The following IL1RAPL1 variants were observed in gnomAD, a reference collection of about 807,000 sequenced individuals.
IL1RAPL1 encodes the protein interleukin 1 receptor accessory protein like 1.
A neutral mutation model predicts 48.4 loss-of-function variants in IL1RAPL1; 3 were observed. The ratio of observed to expected loss-of-function variants is 0.06; its 90% CI spans 0.03 to 0.16. IL1RAPL1 has a LOEUF of 0.16. IL1RAPL1 is among the 10% of genes least tolerant of loss of function. The pLI is 1.00. For synonymous variants in IL1RAPL1, 185 were observed against 187.7 expected (o/e 0.99, Z 0.12); for missense variants, 349 against 530.6 (o/e 0.66, Z 3.36).
chrX:29,798,694 A>G (rs1405785871), intron 6 of IL1RAPL1, among the ~76,000 whole-genome samples: 1 of 112,234 alleles, frequency 8.9e-6, no homozygotes, highest in East Asian at 2.8e-4. Context: ...AAGAATGACA[A>G]TATAATGCTC....
intron 6 of IL1RAPL1, among the ~76,000 whole-genome samples, chrX:29,774,994 C>T (rs1355810554): frequency 8.9e-6 from 1 of 111,967 alleles, no homozygotes; most frequent in Non-Finnish European, 1.9e-5. Context: ...GTAATTGAAA[C>T]CTAAACAGAA....
At chrX:29,361,494 A>G (rs1267835762) in intron 3 of IL1RAPL1, among the ~76,000 whole-genome samples, 2 of 110,323 alleles carry the variant, frequency 1.8e-5, no homozygotes, top group South Asian at 3.9e-4. Context: ...CCTTCCTACT[A>G]CAGTCTTTTG....
intron 5 of IL1RAPL1, among the ~76,000 whole-genome samples, chrX:29,448,923 A>G (rs1264652986): frequency 9.0e-6 from 1 of 110,969 alleles, no homozygotes; most frequent in Non-Finnish European, 1.9e-5. Context: ...GGACTCTGGT[A>G]TCTTTTCTTC....
At chrX:29,275,207 G>A (rs867875694) in intron 2 of IL1RAPL1, among the ~76,000 whole-genome samples, 1 of 111,708 alleles carries the variant, frequency 9.0e-6, no homozygotes, top group Non-Finnish European at 1.9e-5. Flanking sequence ...TTGTAGTAAC[G>A]CAGATCCTTA....
chrX:29,112,814 T>TTC (rs1928600813), intron 2 of IL1RAPL1, among the ~76,000 whole-genome samples: 1 of 94,835 alleles, frequency 1.1e-5, no homozygotes, highest in African/African-American at 4.2e-5. Flanking sequence ...TTTTTTTTTT[T>TTC]CCTGAGGTGG....
intron 2 of IL1RAPL1, among the ~76,000 whole-genome samples, chrX:28,950,190 A>G (rs1396051074): frequency 1.1e-5 from 1 of 89,505 alleles, no homozygotes; most frequent in Admixed American, 1.3e-4. Context: ...CATTTATTAA[A>G]TAGGGAATCC....
intron 6 of IL1RAPL1, among the ~76,000 whole-genome samples, chrX:29,750,664 TA>T (rs1928436502): frequency 8.9e-6 from 1 of 111,744 alleles, no homozygotes; most frequent in East Asian, 2.8e-4. Context: ...TTGGTAAAAA[TA>T]ATTAAAGTTC....
intron 1 of IL1RAPL1, among the ~76,000 whole-genome samples, chrX:28,688,304 G>A (rs1309727659): frequency 9.2e-6 from 1 of 108,873 alleles, no homozygotes; most frequent in Non-Finnish European, 1.9e-5. Context: ...CACTTGGGAG[G>A]CTCAAGTGGT....
At chrX:29,191,422 T>C (rs1368989061) in intron 2 of IL1RAPL1, among the ~76,000 whole-genome samples, 1 of 111,789 alleles carries the variant, frequency 8.9e-6, no homozygotes, top group Non-Finnish European at 1.9e-5. Flanking sequence ...CAGTGATTAA[T>C]GTGGCCTGTA....
rs114292186 is a variant in IL1RAPL1, at chrX:29,886,588, C to T, written c.779-30876C>T. Reference sequence around the variant, plus strand: ...TGAAAATCTTTAGGAATAATGATTGCGGAGTCACCGCTAATAACTTAATGA... The same window carrying T: ...TGAAAATCTTTAGGAATAATGATTGTGGAGTCACCGCTAATAACTTAATGA... On this transcript the variant is annotated intron_variant, in intron 6 of 10. Coordinates refer to ENST00000378993, the MANE Select transcript of IL1RAPL1 (RefSeq NM_014271.4). 1.1e-3 allele frequency among the ~76,000 whole-genome samples: 125 copies of T among 112,089 alleles called. 1 individual carries two copies. Among genetic ancestry groups the T allele is most frequent in the Middle Eastern group, 4.6e-3 (1 of 217 alleles).
chrX:29,211,120 GGAGA>G lies in IL1RAPL1; in HGVS notation c.83-71799_83-71796del, dbSNP rs3065741. Among the ~76,000 whole-genome samples the G allele has an allele frequency of 4.7e-3, 490 of 104,045 alleles. 2 individuals carry two copies. Among genetic ancestry groups the G allele is most frequent in the Non-Finnish European group, 7.2e-3 (364 of 50,579 alleles). 90.4% of individuals were successfully genotyped at this position (104,045 alleles called of 115,157 possible). On this transcript the variant is annotated intron_variant, in intron 2 of 10. Coordinates refer to ENST00000378993, the MANE Select transcript of IL1RAPL1 (RefSeq NM_014271.4). ...GAGAGAGAGAGAGGGAAAGAGAAAG[GGAGA>G]GAGAGAGAGAGAGAGAGAACCGAAA...
At chrX:28,596,636 T>A (rs1933958668) in intron 1 of IL1RAPL1, among the ~76,000 whole-genome samples, 1 of 111,794 alleles carries the variant, frequency 8.9e-6, no homozygotes, top group African/African-American at 3.2e-5. Context: ...GTCCCTAATA[T>A]AAAATGGTCT....
chrX:29,022,065 C>A (rs150716936), intron 2 of IL1RAPL1, among the ~76,000 whole-genome samples: 76 of 111,764 alleles, frequency 6.8e-4, no homozygotes, highest in African/African-American at 2.4e-3. Flanking sequence ...CTTTTCAGCT[C>A]CCGATTTTTT....
At chrX:29,803,807 A>C (rs989530305) in intron 6 of IL1RAPL1, among the ~76,000 whole-genome samples, 1 of 110,186 alleles carries the variant, frequency 9.1e-6, no homozygotes, top group Non-Finnish European at 1.9e-5. Context: ...TTATGTTTAC[A>C]ATGAAGTCAA....
intron 1 of IL1RAPL1, among the ~76,000 whole-genome samples, chrX:28,637,137 T>C (rs1299434167): frequency 9.0e-6 from 1 of 111,196 alleles, no homozygotes; most frequent in Non-Finnish European, 1.9e-5. Context: ...TTGGGTGAGA[T>C]AAAAAAATTC....
At chrX:29,556,775 A>G (rs1304364335) in intron 5 of IL1RAPL1, among the ~76,000 whole-genome samples, 1 of 112,160 alleles carries the variant, frequency 8.9e-6, no homozygotes, top group Non-Finnish European at 1.9e-5. Context: ...AATTTAAAAT[A>G]TGTATTTTCT....
chrX:28,625,769 T>TGTGTGTGTGTG, intron 1 of IL1RAPL1, among the ~76,000 whole-genome samples: 1 of 110,391 alleles, frequency 9.1e-6, no homozygotes, highest in Non-Finnish European at 1.9e-5. Flanking sequence ...TGTGTGTGTG[T>TGTGTGTGTGTG]TTTACCAAGA....
At chrX:29,093,064 C>T (rs1251928913) in intron 2 of IL1RAPL1, among the ~76,000 whole-genome samples, 1 of 111,869 alleles carries the variant, frequency 8.9e-6, no homozygotes, top group Non-Finnish European at 1.9e-5. Flanking sequence ...GTTACTTAGC[C>T]ATCTTTTCAT....
At chrX:29,254,613 C>G (rs981805290) in intron 2 of IL1RAPL1, among the ~76,000 whole-genome samples, 1 of 111,323 alleles carries the variant, frequency 9.0e-6, no homozygotes, top group Non-Finnish European at 1.9e-5. Context: ...ATACAGTGGA[C>G]TACTAGTATG....
Sources: allele counts gnomAD v4.1 joint callset (sites outside exome capture counted in the v4.1 genomes callset), GRCh38; gene constraint gnomAD v4.1.1; transcripts MANE v1.5; gene names NCBI Gene and HGNC (gene_info 2026-07-23, HGNC 2026-07-21).